MAP3K4: variants seen among roughly 807,000 people sequenced by gnomAD.
The protein encoded by MAP3K4 is MAP three kinase 1.
MAP3K4 carries 67 observed loss-of-function variants against 185.6 expected under a neutral mutation model. That is an observed-to-expected ratio of 0.36 (90% CI 0.30 to 0.44). The LOEUF (loss-of-function observed/expected upper bound fraction) is 0.44. Ranked by LOEUF, MAP3K4 falls within the 20% of genes least tolerant of loss-of-function variation. The pLI is 1.00. For synonymous variants in MAP3K4, 702 were observed against 710.4 expected (o/e 0.99, Z 0.19); for missense variants, 1,551 against 1,995.1 (o/e 0.78, Z 4.24).
Position 161,088,511 on chromosome 6 carries a change from T to C in MAP3K4, c.2823+557T>C, listed in dbSNP as rs1404269. ...GAACTGAGTATACACTGGCCTGCTGTATCCCTCACCCCAACAACTCTGCTT... is the reference window on the plus strand; with the variant it reads ...GAACTGAGTATACACTGGCCTGCTGCATCCCTCACCCCAACAACTCTGCTT... On this transcript the variant is annotated intron_variant, in intron 10 of 26. Coordinates refer to ENST00000392142, the MANE Select transcript of MAP3K4 (RefSeq NM_005922.4). The surrounding 1 kb of genome is among the most constrained non-coding windows in gnomAD (Gnocchi z 4.5). Among the ~76,000 whole-genome samples, 119,832 of 152,052 alleles carry C rather than the reference T, an allele frequency of 0.79. 47,591 individuals are homozygous for C. The highest frequency in any genetic ancestry group is 0.97 in the East Asian group (5,022 of 5,178).
intron 2 of MAP3K4, among the ~76,000 whole-genome samples, chr6:161,039,600 AATAGT>A (rs1783349629): frequency 6.6e-6 from 1 of 152,216 alleles, no homozygotes; most frequent in East Asian, 1.9e-4. Context: ...ATGGAATTAT[AATAGT>A]GCTAATTTCC....
At chr6:161,069,689 T>C (rs1784852632) in intron 3 of MAP3K4, among the ~76,000 whole-genome samples, 1 of 151,978 alleles carries the variant, frequency 6.6e-6, no homozygotes, top group African/African-American at 2.4e-5. Context: ...TTTAGTATAG[T>C]GGTAAGGAAG....
In MAP3K4 at chr6:161,017,458, GTA is replaced by G. The variant is rs1265143638; in HGVS notation, c.153-16799_153-16798del. ...TTCTGGTACCATCTGTAGTTGAGAA[GTA>G]TGTCACTTTCTATTTATTTGGATAT... On this transcript the variant is annotated intron_variant, in intron 1 of 26. Transcript: ENST00000392142. This position sits in a 1 kb window ranked among gnomAD's most constrained non-coding sequence, Gnocchi z 5.1. 6.6e-6 allele frequency among the ~76,000 whole-genome samples: 1 copy of G among 152,120 alleles called. No homozygotes were observed. Among genetic ancestry groups the G allele is most frequent in the East Asian group, 1.9e-4 (1 of 5,190 alleles).
chr6:161,092,957 C>T (rs1777394169), intron 13 of MAP3K4, 21 bp from the exon 14 acceptor site: 2 of 1,530,810 alleles, frequency 1.3e-6, no homozygotes, highest in African/African-American at 2.7e-5. Flanking sequence ...TATGTGATTA[C>T]TGAACTTTTT....
At chr6:161,044,265 A>G (rs3798911) in intron 2 of MAP3K4, among the ~76,000 whole-genome samples, 64,657 of 151,974 alleles carry the variant, frequency 0.43, 14,224 homozygotes, top group Admixed American at 0.55. Flanking sequence ...TGTAATTAGA[A>G]CTTGCCAAAT....
chr6:160,994,234 G>A (rs1393340399), intron 1 of MAP3K4, among the ~76,000 whole-genome samples: 1 of 151,692 alleles, frequency 6.6e-6, no homozygotes, highest in Middle Eastern at 3.2e-3. Context: ...AGATTTTGGT[G>A]CACCTGTCAC....
In MAP3K4 at chr6:161,084,856, G is replaced by A. The variant is rs1484496773; in HGVS notation, c.2372+239G>A. 6.6e-6 allele frequency among the ~76,000 whole-genome samples: 1 copy of A among 152,156 alleles called. No individual in the cohort carries two copies. Among genetic ancestry groups the A allele is most frequent in the South Asian group, 2.1e-4 (1 of 4,830 alleles). On this transcript the variant is annotated intron_variant, in intron 7 of 26. Coordinates refer to ENST00000392142, the MANE Select transcript of MAP3K4 (RefSeq NM_005922.4). This position sits in a 1 kb window ranked among gnomAD's most constrained non-coding sequence, Gnocchi z 4.6. ...GAATTTATTTAGTGTGATAAAAATAGTGCCAACTGGCTGGGCGCGGTGGCT... is the reference window on the plus strand; with the variant it reads ...GAATTTATTTAGTGTGATAAAAATAATGCCAACTGGCTGGGCGCGGTGGCT...
intron 2 of MAP3K4, among the ~76,000 whole-genome samples, chr6:161,038,160 A>G (rs1470324197): frequency 1.3e-5 from 2 of 151,836 alleles, no homozygotes; most frequent in Non-Finnish European, 2.9e-5. Context: ...GAGTGACTCC[A>G]TAGGCATGTG....
chr6:161,081,597 G>A (rs1026066051), intron 6 of MAP3K4, among the ~76,000 whole-genome samples: 2 of 152,186 alleles, frequency 1.3e-5, no homozygotes, highest in Non-Finnish European at 2.9e-5. Context: ...TGAAGGAATA[G>A]AAGTGTAAAC....
In MAP3K4 at chr6:161,093,686, A is replaced by G. The variant is rs1156813816; in HGVS notation, c.3349-87A>G. ...TTTTGGGTAGCATGTTTTTAAAAAT[A>G]TACTGAAAATTAATTTGTGCTACTT... On this transcript the variant is annotated intron_variant, in intron 14 of 26. Transcript: ENST00000392142. The surrounding 1 kb of genome is among the most constrained non-coding windows in gnomAD (Gnocchi z 5.2). The G allele has an allele frequency of 9.3e-6, 7 of 752,102 alleles. No homozygotes were observed. The highest frequency in any genetic ancestry group is 1.8e-5 in the South Asian group (1 of 54,838). The allele number at this position is 752,102 out of a possible 1,614,324, so 46.6% of individuals were successfully genotyped here.
At chr6:161,045,108 GTAGC>G (rs1395629235) in intron 2 of MAP3K4, among the ~76,000 whole-genome samples, 5 of 152,132 alleles carry the variant, frequency 3.3e-5, no homozygotes, top group African/African-American at 9.7e-5. Context: ...TTTTTGCACA[GTAGC>G]TAGACACGAG....
In MAP3K4 at chr6:161,029,245, G is replaced by A. The variant is rs553070024; in HGVS notation, c.153-5014G>A. ...ATGAAGTGTTTTGGGTTTTTTTGGC[G>A]GGGGTGGTGTTGGGGGGCAGGGGTG... On this transcript the variant is annotated intron_variant, in intron 1 of 26. Coordinates refer to ENST00000392142, the MANE Select transcript of MAP3K4 (RefSeq NM_005922.4). Among the ~76,000 whole-genome samples, 7 of 151,922 alleles carry A rather than the reference G, an allele frequency of 4.6e-5. No individual in the cohort carries two copies. In the South Asian group the frequency reaches 1.0e-3, roughly 23 times the overall value.
rs757977033 is a variant in MAP3K4, at chr6:161,106,263, A to G, written c.3857-251A>G. 6.6e-5 allele frequency among the ~76,000 whole-genome samples: 10 copies of G among 152,296 alleles called. No homozygotes were observed. Among genetic ancestry groups the G allele is most frequent in the Middle Eastern group, 3.4e-3 (1 of 294 alleles). On this transcript the variant is annotated intron_variant, in intron 19 of 26. Coordinates refer to ENST00000392142, the MANE Select transcript of MAP3K4 (RefSeq NM_005922.4). This position sits in a 1 kb window ranked among gnomAD's most constrained non-coding sequence, Gnocchi z 4.9. The stretch of plus-strand genomic sequence containing the variant: ...GTATATTACTGCAAGATTTTAGCCA[A>G]CGTTCTTGGGAAAGGAAATCATTTT...
chr6:160,991,984 C>G lies in MAP3K4; in HGVS notation c.53C>G (p.Pro18Arg). Reference protein sequence around the residue: ...LVPPPAFAVTPAAAMEEPPPP... With the variant: ...LVPPPAFAVTRAAAMEEPPPP... ...CCTCCTCCCGCCTTTGCCGTCACGC[C>G]TGCCGCCGCCATGGAGGAGCCGCCG... Residue 18 changes from proline (P) to arginine (R), a missense_variant, in exon 1 of 27, where the codon CCT (proline) becomes CGT (arginine). Pro to Arg is a moderately radical substitution (Grantham distance 103). Around this residue, in one of 16 missense-constraint regions of MAP3K4, gnomAD observed 287 missense variants for 268.8 expected, o/e 1.07. Coordinates refer to ENST00000392142, the MANE Select transcript of MAP3K4 (RefSeq NM_005922.4). The surrounding 1 kb of genome is among the most constrained non-coding windows in gnomAD (Gnocchi z 5.7). 1 of 1,545,396 alleles carries G rather than the reference C, an allele frequency of 6.5e-7. No individual in the cohort carries two copies. Among genetic ancestry groups the G allele is most frequent in the African/African-American group, 1.4e-5 (1 of 71,542 alleles).
intron 6 of MAP3K4, among the ~76,000 whole-genome samples, chr6:161,081,560 C>G (rs1195443108): frequency 6.6e-6 from 1 of 152,142 alleles, no homozygotes; most frequent in African/African-American, 2.4e-5. Context: ...ATCACAGACT[C>G]TCTTTATGAA....
Position 161,077,050 on chromosome 6 carries a change from T to G in MAP3K4, c.2097+3438T>G, listed in dbSNP as rs908885463. ...GGGAGCATTGCAACTTATCGGAAATTTATATACATTATAATCCAGTTTAGG... is the reference window on the plus strand; with the variant it reads ...GGGAGCATTGCAACTTATCGGAAATGTATATACATTATAATCCAGTTTAGG... On this transcript the variant is annotated intron_variant, in intron 5 of 26. Transcript: ENST00000392142. The surrounding 1 kb of genome is among the most constrained non-coding windows in gnomAD (Gnocchi z 4.3). Among the ~76,000 whole-genome samples, 1 of 152,160 alleles carries G rather than the reference T, an allele frequency of 6.6e-6. No individual in the cohort carries two copies. The highest frequency in any genetic ancestry group is 2.4e-5 in the African/African-American group (1 of 41,432).
In MAP3K4 at chr6:161,088,608, A is replaced by C. The variant is rs1190173019; in HGVS notation, c.2823+654A>C. On this transcript the variant is annotated intron_variant, in intron 10 of 26. Coordinates refer to ENST00000392142, the MANE Select transcript of MAP3K4 (RefSeq NM_005922.4). This position sits in a 1 kb window ranked among gnomAD's most constrained non-coding sequence, Gnocchi z 4.5. ...AACCAGAAGTGTGACAGCTAATATA[A>C]ATTCAGCCTCCCATCTTTCCAGTTA... is the stretch of plus-strand genomic sequence containing the variant. Among the ~76,000 whole-genome samples, 1 of 152,216 alleles carries C rather than the reference A, an allele frequency of 6.6e-6. No homozygotes were observed. Among genetic ancestry groups the C allele is most frequent in the Non-Finnish European group, 1.5e-5 (1 of 68,038 alleles).
Position 161,110,801 on chromosome 6 carries a change from A to G in MAP3K4, c.4396+887A>G, listed in dbSNP as rs1778311421. The stretch of plus-strand genomic sequence containing the variant: ...CTCATTGGCTGCCTGCCTGTCCGCT[A>G]CCTTGCTTTGGTGTCTGGGGTCATC... On this transcript the variant is annotated intron_variant, in intron 23 of 26. Coordinates refer to ENST00000392142, the MANE Select transcript of MAP3K4 (RefSeq NM_005922.4). The surrounding 1 kb of genome is among the most constrained non-coding windows in gnomAD (Gnocchi z 4.8). Among the ~76,000 whole-genome samples the G allele has an allele frequency of 6.6e-6, 1 of 152,084 alleles. No individual in the cohort carries two copies. Among genetic ancestry groups the G allele is most frequent in the Non-Finnish European group, 1.5e-5 (1 of 68,010 alleles).
In MAP3K4 at chr6:161,116,581, A is replaced by C. The variant is rs1778598339; in HGVS notation, c.4807-269A>C. ...AATAACAATTTATGTCTTAGTTATGAAGTGCATAACAATTTATATTGACCT... is the reference window on the plus strand; with the variant it reads ...AATAACAATTTATGTCTTAGTTATGCAGTGCATAACAATTTATATTGACCT... On this transcript the variant is annotated intron_variant, in intron 26 of 26. Coordinates refer to ENST00000392142, the MANE Select transcript of MAP3K4 (RefSeq NM_005922.4). The surrounding 1 kb of genome is among the most constrained non-coding windows in gnomAD (Gnocchi z 6.2). 1.3e-5 allele frequency among the ~76,000 whole-genome samples: 2 copies of C among 152,200 alleles called. No homozygotes were observed. Among genetic ancestry groups the C allele is most frequent in the Non-Finnish European group, 2.9e-5 (2 of 68,034 alleles).
Sources: gnomAD v4.1 joint callset for allele counts (sites outside exome capture counted in the v4.1 genomes callset) on GRCh38, gnomAD v4.1.1 for gene constraint, gnomAD v4.1.1 regional missense constraint, Gnocchi (gnomAD v3.1) non-coding constraint, MANE v1.5 for transcripts, NCBI Gene and HGNC (gene_info 2026-07-23, HGNC 2026-07-21) for gene names.